Variants in APTX observed in about 807,000 individuals in gnomAD.
The protein encoded by APTX is aprataxin, also known as forkhead-associated domain histidine triad-like protein.
A neutral mutation model predicts 42.3 loss-of-function variants in APTX; 33 were observed. The observed-to-expected ratio is 0.78, with a 90% CI of 0.59 to 1.04. The LOEUF is 1.04. Ranked by LOEUF, APTX falls within the 50% of genes least tolerant of loss-of-function variation. APTX has a pLI of 0.00. For missense variants in APTX, 421 were observed against 415.1 expected (o/e 1.01, Z -0.12); for synonymous variants, 130 against 146.7 (o/e 0.89, Z 0.82).
chr9:32,977,184 T>C (rs919898395), intron 6 of APTX, among the ~76,000 whole-genome samples: 5 of 152,318 alleles, frequency 3.3e-5, no homozygotes, highest in African/African-American at 7.2e-5. Flanking sequence ...GATAAAAGTT[T>C]CATATCAATT....
chr9:32,974,431 A>G (rs765234588), intron 7 of APTX, 27 bp downstream of exon 7: 2 of 1,373,100 alleles, frequency 1.5e-6, no homozygotes, highest in East Asian at 4.6e-5. Context: ...AATGAAACAA[A>G]TGTGAAAACC....
intron 1 of APTX, among the ~76,000 whole-genome samples, chr9:32,991,728 G>T (rs1023591548): frequency 3.3e-5 from 5 of 150,568 alleles, no homozygotes; most frequent in African/African-American, 1.2e-4. Flanking sequence ...AGTGAGCAGA[G>T]ATCGCACCAT....
intron 1 of APTX, among the ~76,000 whole-genome samples, chr9:32,997,584 G>A (rs1426474436): frequency 6.7e-6 from 1 of 149,790 alleles, no homozygotes; most frequent in East Asian, 2.0e-4. Context: ...AGGAGCAGGA[G>A]GTGGAGAAAG....
At chr9:33,011,611 C>A (rs1837549326) in intron 1 of APTX, among the ~76,000 whole-genome samples, 1 of 152,146 alleles carries the variant, frequency 6.6e-6, no homozygotes, top group South Asian at 2.1e-4. Flanking sequence ...TAAAAGGTTA[C>A]TCTAATTATT....
At chr9:32,999,564 T>C (rs1702666881) in intron 1 of APTX, among the ~76,000 whole-genome samples, 1 of 152,148 alleles carries the variant, frequency 6.6e-6, no homozygotes, top group African/African-American at 2.4e-5. Flanking sequence ...AGAGAGACAA[T>C]TCATCCTCTG....
intron 1 of APTX, chr9:33,019,872 G>A (rs563223349): frequency 3.7e-4 from 230 of 623,182 alleles, no homozygotes; most frequent in Non-Finnish European, 5.8e-4. Context: ...CTTTGGTGGG[G>A]TTCGGCATCT....
At chr9:33,018,424 C>T (rs1186648425) in intron 1 of APTX, among the ~76,000 whole-genome samples, 1 of 150,276 alleles carries the variant, frequency 6.7e-6, no homozygotes, top group Non-Finnish European at 1.5e-5. Flanking sequence ...AAAAATTAGC[C>T]AGACGTGGTG....
At chr9:33,013,622 C>T (rs766188183) in intron 1 of APTX, among the ~76,000 whole-genome samples, 40 of 152,004 alleles carry the variant, frequency 2.6e-4, no homozygotes, top group Admixed American at 4.6e-4. Flanking sequence ...CTGGCTAACA[C>T]GGTGAAACCC....
intron 1 of APTX, chr9:33,016,083 C>G (rs977168584): frequency 6.6e-6 from 1 of 152,160 alleles, no homozygotes; most frequent in Non-Finnish European, 1.5e-5. Context: ...TTCGTATTAT[C>G]TAGACCAAGA....
At chr9:33,024,863 G>GA (rs1491372617) in intron 1 of APTX, 3 of 27,392 alleles carry the variant, frequency 1.1e-4, no homozygotes, top group East Asian at 1.1e-3. Flanking sequence ...CCCGTAAGAG[G>GA]GGGGGGGGGG....
At position 33,010,384 on chromosome 9, in the gene APTX, G is replaced by A. The variant is rs7039262; in HGVS notation, c.-5+14639C>T. ...ACTCTGAGCAACTTCTACATGTCAG[G>A]AATCACTCTAGGAGCTGGGGCTACC... On this transcript the variant is annotated intron_variant, in intron 1 of 6. Transcript: ENST00000436040. Among the ~76,000 whole-genome samples the A allele has an allele frequency of 4.9e-3, 747 of 152,242 alleles. 9 individuals carry two copies. Among genetic ancestry groups the A allele is most frequent in the African/African-American group, 0.017 (723 of 41,546 alleles).
chr9:33,011,497 G>C (rs1365369868), intron 1 of APTX, among the ~76,000 whole-genome samples: 2 of 152,014 alleles, frequency 1.3e-5, no homozygotes, highest in African/African-American at 4.8e-5. Context: ...ATCTTGGCCA[G>C]GCTGGTCTCG....
At chr9:33,024,150 TG>T (rs1372574059) in intron 1 of APTX, among the ~76,000 whole-genome samples, 1 of 152,262 alleles carries the variant, frequency 6.6e-6, no homozygotes, top group African/African-American at 2.4e-5. Context: ...AAAGTCTAAC[TG>T]GGGCTTTTCA....
chr9:32,993,519 A>ATATT (rs1380655750), intron 1 of APTX, among the ~76,000 whole-genome samples: 1 of 152,182 alleles, frequency 6.6e-6, no homozygotes, highest in African/African-American at 2.4e-5. Context: ...CATACAATAA[A>ATATT]TATTTACAAG....
At chr9:33,018,459 T>G (rs1309523363) in intron 1 of APTX, among the ~76,000 whole-genome samples, 3 of 145,636 alleles carry the variant, frequency 2.1e-5, no homozygotes, top group African/African-American at 7.7e-5. Flanking sequence ...TCCCAGCTAC[T>G]CGGGAGGCTG....
In APTX at chr9:33,001,556, G is replaced by T. The variant is rs754180338; in HGVS notation, c.-5+11C>A. ...CAGCCAGCAGAAGAGATAGGCTGAC[G>T]ACCGCCTTACCTCCAGAAGTCGGAG... On this transcript the variant is annotated intron_variant, in intron 1 of 7. Coordinates refer to ENST00000379817, the MANE Select transcript of APTX (RefSeq NM_001195248.2). 1.5e-5 allele frequency: 24 copies of T among 1,613,742 alleles called. No homozygotes were observed. Among genetic ancestry groups the T allele is most frequent in the South Asian group, 1.2e-4 (11 of 91,060 alleles).
intron 1 of APTX, among the ~76,000 whole-genome samples, chr9:33,021,753 A>C (rs1838400879): frequency 1.3e-5 from 2 of 152,212 alleles, no homozygotes; most frequent in Admixed American, 1.3e-4. Flanking sequence ...GGAGAAAAAT[A>C]AAGATCAGTT....
chr9:33,018,213 T>G (rs534114655), intron 1 of APTX, among the ~76,000 whole-genome samples: 1 of 151,120 alleles, frequency 6.6e-6, no homozygotes, highest in African/African-American at 2.4e-5. Context: ...TGGGTTCAAG[T>G]GATTCTCCTG....
chr9:33,011,685 C>T (rs2119234163), intron 1 of APTX, among the ~76,000 whole-genome samples: 1 of 152,262 alleles, frequency 6.6e-6, no homozygotes, highest in Admixed American at 6.5e-5. Context: ...TAAATGTATC[C>T]ATTCATCAAA....
Sources: gnomAD v4.1 joint callset for allele counts (sites outside exome capture counted in the v4.1 genomes callset) on GRCh38, gnomAD v4.1.1 for gene constraint, MANE v1.5 for transcripts, NCBI Gene and HGNC (gene_info 2026-07-23, HGNC 2026-07-21) for gene names.